The following MICAL2 variants were observed in gnomAD, a reference collection of about 807,000 sequenced individuals.
The protein encoded by MICAL2 is [F-actin]-monooxygenase MICAL2.
MICAL2 carries 77 observed loss-of-function variants against 127.3 expected under a neutral mutation model. That is an observed-to-expected ratio of 0.60 (90% confidence interval 0.50 to 0.73). The LOEUF (loss-of-function observed/expected upper bound fraction) is 0.73, where lower values mean the gene tolerates loss of function less well. Among genes scored for constraint, MICAL2 ranks in the 30% least tolerant of loss-of-function variants. The pLI, the probability that MICAL2 is intolerant of heterozygous loss-of-function variation, is 0.00. For synonymous variants in MICAL2, 570 were observed against 551.1 expected (o/e 1.03, Z -0.48); for missense variants, 1,351 against 1,434.4 (o/e 0.94, Z 0.94).
At chr11:12,294,111 T>C, downstream of MICAL2, 1 of 1,613,858 alleles carries the variant, frequency 6.2e-7, no homozygotes, top group Non-Finnish European at 8.5e-7. Flanking sequence ...CTAAAACCAG[T>C]CCGCCCCCTG....
chr11:12,340,914 G>T (rs1436354861), intron 32 of MICAL2, among the ~76,000 whole-genome samples: 5 of 152,148 alleles, frequency 3.3e-5, no homozygotes, highest in African/African-American at 1.2e-4. Flanking sequence ...TTTTTCAGCT[G>T]CATGCTCTGA....
At chr11:12,325,235 G>A (rs867817667) in intron 31 of MICAL2, among the ~76,000 whole-genome samples, 4 of 152,088 alleles carry the variant, frequency 2.6e-5, no homozygotes, top group African/African-American at 9.7e-5. Context: ...TCAGCCTCCT[G>A]AGTAGCTGGG....
chr11:12,242,481 C>G, intron 19 of MICAL2, 49 bp downstream of exon 19: 1 of 1,552,602 alleles, frequency 6.4e-7, no homozygotes, highest in Non-Finnish European at 8.8e-7. Context: ...GGGTGACTTC[C>G]TTTCTTCCCC....
At chr11:12,288,974 T>C (rs1300020260), downstream of MICAL2, among the ~76,000 whole-genome samples, 1 of 152,206 alleles carries the variant, frequency 6.6e-6, no homozygotes, top group South Asian at 2.1e-4. Flanking sequence ...GCAGAATGCA[T>C]GGTACCATCC....
At chr11:12,213,803 G>A (rs1369844352) in intron 7 of MICAL2, among the ~76,000 whole-genome samples, 1 of 152,142 alleles carries the variant, frequency 6.6e-6, no homozygotes, top group Non-Finnish European at 1.5e-5. Context: ...TGATATTTAG[G>A]GAATGCTAAG....
At chr11:12,361,486 A>G (rs3812755), downstream of MICAL2, among the ~76,000 whole-genome samples, 984 of 152,350 alleles carry the variant, frequency 6.5e-3, 6 homozygotes, top group Middle Eastern at 0.041. Context: ...TATCTCAAGC[A>G]TAAAGAATAT....
rs1466665376 is a variant in MICAL2, at chr11:12,337,291, G to A, written c.5515+10025G>A. 4.6e-5 allele frequency among the ~76,000 whole-genome samples: 7 copies of A among 152,238 alleles called. No homozygotes were observed. The East Asian group carries it at 1.2e-3, about 25-fold the overall frequency. ...GGTAGTTTGTATTTCTGTGGGATCG[G>A]TGGTGATATCCCCTTTGTCATTTTT... is the stretch of plus-strand genomic sequence containing the variant. On this transcript the variant is annotated intron_variant, in intron 32 of 34. Coordinates refer to the MICAL2 transcript ENST00000646065.
At chr11:12,269,507 C>G (rs765107499) in intron 24 of MICAL2, among the ~76,000 whole-genome samples, 2 of 152,218 alleles carry the variant, frequency 1.3e-5, no homozygotes, top group Non-Finnish European at 2.9e-5. Context: ...CGTGTGCCCC[C>G]ACCCCTCACC....
intron 32 of MICAL2, among the ~76,000 whole-genome samples, chr11:12,348,090 G>T (rs1044425607): frequency 7.1e-6 from 1 of 141,688 alleles, no homozygotes; most frequent in African/African-American, 2.6e-5. Context: ...AGAGGCGGAG[G>T]TTGCAGTGAG....
At chr11:12,350,453 A>AAAAAAT (rs1939026074) in intron 33 of MICAL2, among the ~76,000 whole-genome samples, 1 of 152,234 alleles carries the variant, frequency 6.6e-6, no homozygotes, top group African/African-American at 2.4e-5. Flanking sequence ...AAAAAGCTGA[A>AAAAAAT]GGTCACTATA....
intron 3 of MICAL2, among the ~76,000 whole-genome samples, chr11:12,186,103 C>T (rs7122237): frequency 0.15 from 22,580 of 152,194 alleles, 3,142 homozygotes; most frequent in African/African-American, 0.37. Flanking sequence ...TCTTCCGTTA[C>T]AGGATTAACT....
At chr11:12,243,647 T>G (rs1860284505) in intron 20 of MICAL2, among the ~76,000 whole-genome samples, 1 of 152,232 alleles carries the variant, frequency 6.6e-6, no homozygotes, top group Admixed American at 6.5e-5. Context: ...GGTTCTCCTC[T>G]CCTAAGCTCG....
chr11:12,123,895 A>C (rs1367372593), intron 1 of MICAL2, among the ~76,000 whole-genome samples: 7 of 152,086 alleles, frequency 4.6e-5, no homozygotes, highest in Non-Finnish European at 1.0e-4. Context: ...CATATATTGT[A>C]TTTATGGTAT....
intron 4 of MICAL2, among the ~76,000 whole-genome samples, chr11:12,205,536 G>T (rs945959075): frequency 2.6e-5 from 4 of 152,200 alleles, no homozygotes; most frequent in Admixed American, 2.0e-4. Context: ...AGGGATGATT[G>T]TATAGCAATA....
chr11:12,252,160 C>A (rs563034104), intron 22 of MICAL2, among the ~76,000 whole-genome samples: 15 of 152,324 alleles, frequency 9.8e-5, no homozygotes, highest in Admixed American at 5.9e-4. Context: ...AGGGGCCAAG[C>A]TGGGGGCCCC....
At chr11:12,294,484 G>T (rs544174249), downstream of MICAL2, 58 of 1,614,138 alleles carry the variant, frequency 3.6e-5, no homozygotes, top group African/African-American at 7.2e-4. Context: ...TGCCCAATCG[G>T]CCATCCAAGG....
At chr11:12,251,315 G>T (rs895779723) in intron 22 of MICAL2, among the ~76,000 whole-genome samples, 1 of 152,118 alleles carries the variant, frequency 6.6e-6, no homozygotes, top group Non-Finnish European at 1.5e-5. Context: ...TCTGAGAGCC[G>T]GTAAGGCCGT....
At chr11:12,278,812 G>A (rs561565675) in intron 1 of MICAL2, among the ~76,000 whole-genome samples, 1 of 152,314 alleles carries the variant, frequency 6.6e-6, no homozygotes, top group South Asian at 2.1e-4. Context: ...CATTTCTAAA[G>A]TTATCTTGAG....
rs181515448 is a variant in MICAL2, at chr11:12,315,694, C to T, written c.5213-4002C>T. Among the ~76,000 whole-genome samples, 63 of 152,140 alleles carry T rather than the reference C, an allele frequency of 4.1e-4. No individual in the cohort carries two copies. The South Asian group carries it at 1.0e-2, about 24-fold the overall frequency. On this transcript the variant is annotated intron_variant, in intron 29 of 34. Coordinates refer to the MICAL2 transcript ENST00000646065. Reference sequence around the variant, plus strand: ...TCTAACTTAGGAAATGTTTCCTGTGCGCTTTCAAATAATCTGTTGCTGTTT... The same window carrying T: ...TCTAACTTAGGAAATGTTTCCTGTGTGCTTTCAAATAATCTGTTGCTGTTT...
Sources: allele counts gnomAD v4.1 joint callset (sites outside exome capture counted in the v4.1 genomes callset), GRCh38; gene constraint gnomAD v4.1.1; transcripts MANE v1.5; gene names NCBI Gene and HGNC (gene_info 2026-07-23, HGNC 2026-07-21).